The following TYW1 variants were observed in gnomAD, a reference collection of about 807,000 sequenced individuals.
TYW1 encodes S-adenosyl-L-methionine-dependent tRNA 4-demethylwyosine synthase TYW1.
In TYW1, 46 loss-of-function variants were observed where a neutral mutation model predicts 96.2. The ratio of observed to expected loss-of-function variants is 0.48; its 90% CI spans 0.38 to 0.61. The LOEUF is 0.61. Ranked by LOEUF, TYW1 falls within the 20% of genes least tolerant of loss-of-function variation. TYW1 has a pLI of 0.00. For missense variants in TYW1, 684 were observed against 909.6 expected (o/e 0.75, Z 3.19); for synonymous variants, 274 against 323.0 (o/e 0.85, Z 1.63).
chr7:67,141,434 T>C (rs1286638452), intron 13 of TYW1, among the ~76,000 whole-genome samples: 1 of 152,258 alleles, frequency 6.6e-6, no homozygotes, highest in African/African-American at 2.4e-5. Context: ...AATATGTTGT[T>C]TGAGCACCAT....
Position 67,179,917 on chromosome 7 carries a change from T to G in TYW1, c.1699-3209T>G, listed in dbSNP as rs1459235109. 4.9e-5 allele frequency among the ~76,000 whole-genome samples: 5 copies of G among 101,282 alleles called. 1 individual carries two copies. The highest frequency in any genetic ancestry group is 8.4e-5 in the Non-Finnish European group (4 of 47,812). The allele number at this position is 101,282 out of a possible 152,430, so 66.4% of individuals were successfully genotyped here. The stretch of plus-strand genomic sequence containing the variant: ...TCTTGCTGTGTCACCCAGGCTGGAG[T>G]GCGTTGGTGTGATCATGGCTCACGG... On this transcript the variant is annotated intron_variant, in intron 13 of 15. Transcript: ENST00000359626.
chr7:67,157,377 G>A (rs13239488), intron 13 of TYW1, among the ~76,000 whole-genome samples: 1 of 151,976 alleles, frequency 6.6e-6, no homozygotes, highest in Non-Finnish European at 1.5e-5. Flanking sequence ...CCTCTGCCTC[G>A]TGGGTTCAAG....
chr7:67,209,386 T>C (rs1800921727), intron 15 of TYW1, among the ~76,000 whole-genome samples: 1 of 152,114 alleles, frequency 6.6e-6, no homozygotes, highest in East Asian at 1.9e-4. Context: ...GGAAATTAAT[T>C]AGACCATGAC....
At chr7:67,013,954 A>G (rs1485488734) in intron 4 of TYW1, among the ~76,000 whole-genome samples, 1 of 151,874 alleles carries the variant, frequency 6.6e-6, no homozygotes, top group East Asian at 1.9e-4. Flanking sequence ...CGTATTAGCC[A>G]GGATGGTCTC....
At chr7:67,074,267 T>C in intron 10 of TYW1, among the ~76,000 whole-genome samples, 1 of 152,172 alleles carries the variant, frequency 6.6e-6, no homozygotes, top group East Asian at 1.9e-4. Context: ...GTATTTTGTG[T>C]CCTAGTTTTT....
At chr7:67,169,028 A>G (rs931347651) in intron 13 of TYW1, among the ~76,000 whole-genome samples, 7 of 152,066 alleles carry the variant, frequency 4.6e-5, no homozygotes, top group Non-Finnish European at 1.0e-4. Flanking sequence ...TACTCTTTCC[A>G]TTAATTTGTA....
intron 12 of TYW1, among the ~76,000 whole-genome samples, chr7:67,100,141 C>T (rs1354762236): frequency 6.6e-6 from 1 of 151,950 alleles, no homozygotes. Context: ...ATTATGGGGC[C>T]CCATAACAGC....
chr7:67,009,840 T>C (rs1230922599), intron 4 of TYW1, 156 bp downstream of exon 4: 3 of 716,882 alleles, frequency 4.2e-6, no homozygotes, highest in East Asian at 2.9e-5. Context: ...AATCAGAGAA[T>C]TGAATGTGGG....
At chr7:67,007,519 C>T (rs749389310) in intron 3 of TYW1, among the ~76,000 whole-genome samples, 3 of 152,180 alleles carry the variant, frequency 2.0e-5, no homozygotes, top group South Asian at 2.1e-4. Flanking sequence ...ACCTCCTATT[C>T]GAGCTCACTT....
At chr7:67,049,680 G>A (rs1795297921) in intron 7 of TYW1, among the ~76,000 whole-genome samples, 1 of 152,082 alleles carries the variant, frequency 6.6e-6, no homozygotes, top group Admixed American at 6.6e-5. Context: ...CTGAGTAGCT[G>A]GGATTACAGG....
chr7:67,024,793 A>G, intron 6 of TYW1, 107 bp from the exon 7 acceptor site: 2 of 1,513,774 alleles, frequency 1.3e-6, no homozygotes, highest in Non-Finnish European at 1.8e-6. Flanking sequence ...AGAAAAAAAA[A>G]AAAAAAGAAT....
intron 11 of TYW1, among the ~76,000 whole-genome samples, chr7:67,095,954 G>A (rs1390683313): frequency 6.6e-6 from 1 of 152,220 alleles, no homozygotes; most frequent in Non-Finnish European, 1.5e-5. Flanking sequence ...TGAGGATAAA[G>A]GTGGTAATAG....
At chr7:67,089,301 C>G (rs1796642278) in intron 11 of TYW1, 2 of 1,392,530 alleles carry the variant, frequency 1.4e-6, no homozygotes, top group Non-Finnish European at 2.0e-6. Context: ...CCTCGGGACC[C>G]AGGCTCCTCT....
chr7:67,046,535 T>C (rs1795191982), intron 7 of TYW1, among the ~76,000 whole-genome samples: 1 of 152,134 alleles, frequency 6.6e-6, no homozygotes, highest in Non-Finnish European at 1.5e-5. Flanking sequence ...TTTATTTCTG[T>C]TTAGGCCATG....
intron 7 of TYW1, among the ~76,000 whole-genome samples, chr7:67,026,675 C>T (rs1487130256): frequency 6.6e-6 from 1 of 151,662 alleles, no homozygotes; most frequent in South Asian, 2.1e-4. Flanking sequence ...GATGAGCCAC[C>T]ACACCCAGCC....
chr7:67,032,630 A>G (rs1172007646), intron 7 of TYW1, among the ~76,000 whole-genome samples: 2 of 152,014 alleles, frequency 1.3e-5, no homozygotes, highest in East Asian at 3.9e-4. Context: ...TCAAAGAAAA[A>G]AAAGAAAAGT....
At chr7:67,071,381 A>G (rs1796024419) in intron 10 of TYW1, among the ~76,000 whole-genome samples, 1 of 150,490 alleles carries the variant, frequency 6.6e-6, no homozygotes, top group South Asian at 2.1e-4. Flanking sequence ...CAAAGAAAAA[A>G]AATTGGAAAA....
At chr7:67,057,365 A>G (rs992144726) in intron 9 of TYW1, among the ~76,000 whole-genome samples, 20 of 137,760 alleles carry the variant, frequency 1.5e-4, no homozygotes, top group African/African-American at 5.4e-4. Context: ...GATTGGGAAC[A>G]TTTTTTTTGT....
At chr7:67,092,074 A>G (rs1408181977) in intron 11 of TYW1, among the ~76,000 whole-genome samples, 5 of 152,206 alleles carry the variant, frequency 3.3e-5, no homozygotes, top group East Asian at 3.9e-4. Flanking sequence ...GTTAGCCCCA[A>G]TGCTTGCTTT....
Sources: allele counts gnomAD v4.1 joint callset (sites outside exome capture counted in the v4.1 genomes callset), GRCh38; gene constraint gnomAD v4.1.1; transcripts MANE v1.5; gene names NCBI Gene and HGNC (gene_info 2026-07-23, HGNC 2026-07-21).